The following PCDHA8 variants were observed in gnomAD, a reference collection of about 807,000 sequenced individuals.
The protein encoded by PCDHA8 is protocadherin alpha-8.
In PCDHA8, 53 loss-of-function variants were observed where a neutral mutation model predicts 61.8. The observed-to-expected ratio is 0.86, with a 90% CI of 0.69 to 1.08. The LOEUF (loss-of-function observed/expected upper bound fraction) is 1.08, where lower values mean the gene tolerates loss of function less well. PCDHA8 is among the 50% of genes least tolerant of loss of function. The pLI is 0.00. For missense variants in PCDHA8, 1,293 were observed against 1,245.0 expected, an observed-to-expected ratio of 1.04 and a Z score of -0.58; for synonymous variants, 618 against 556.6, an observed-to-expected ratio of 1.11 and a Z score of -1.55.
intron 3 of PCDHA8, among the ~76,000 whole-genome samples, chr5:140,995,012 AGG>A (rs1360435760): frequency 6.6e-6 from 1 of 152,218 alleles, no homozygotes; most frequent in Non-Finnish European, 1.5e-5. Context: ...GTTTATATTT[AGG>A]AAAGAAGATT....
chr5:140,869,284 C>T, intron 1 of PCDHA8: 1 of 1,613,582 alleles, frequency 6.2e-7, no homozygotes, highest in Non-Finnish European at 8.5e-7. Flanking sequence ...GGAGCTGGTG[C>T]AGCGCCTGTT....
rs1407676200 is a variant in PCDHA8 at position 140,843,151 on chromosome 5, G to A, written c.1830G>A (p.Glu610=). 6 of 1,596,104 alleles carry A rather than the reference G, an allele frequency of 3.8e-6. 1 individual carries two copies. The highest frequency in any genetic ancestry group is 5.1e-6 in the Non-Finnish European group (6 of 1,165,608). The change falls in exon 1 of 4, where the codon GAG becomes GAA. Residue 610 remains glutamate (E), a synonymous_variant. Coordinates refer to ENST00000531613, the MANE Select transcript of PCDHA8 (RefSeq NM_018911.3). ...DSGYNAWLSY[E]LQPAASSPRI... is the part of the protein sequence containing the mutation. ...GCTACAACGCGTGGCTTTCGTATGA[G>A]CTGCAGCCAGCTGCAAGCAGCCCTC...
chr5:140,849,491 T>C (rs1554142975), intron 1 of PCDHA8: 1 of 1,592,292 alleles, frequency 6.3e-7, no homozygotes, highest in African/African-American at 1.4e-5. Context: ...CCCTGGCTGG[T>C]CATTGTACAC....
intron 3 of PCDHA8, among the ~76,000 whole-genome samples, chr5:141,008,680 T>C (rs2098386787): frequency 6.6e-6 from 1 of 152,220 alleles, no homozygotes; most frequent in Non-Finnish European, 1.5e-5. Flanking sequence ...ATACTTTAGT[T>C]ATTGCATGTA....
intron 1 of PCDHA8, among the ~76,000 whole-genome samples, chr5:140,916,814 G>A (rs1201189287): frequency 3.3e-5 from 5 of 152,112 alleles, no homozygotes; most frequent in African/African-American, 1.2e-4. Context: ...TAGGTCATGT[G>A]CCACCCCTAT....
intron 1 of PCDHA8, among the ~76,000 whole-genome samples, chr5:140,914,843 A>G (rs1269507537): frequency 6.6e-6 from 1 of 152,142 alleles, no homozygotes; most frequent in Non-Finnish European, 1.5e-5. Context: ...CAAACACACA[A>G]AAGGAAGACT....
At chr5:140,875,288 A>G in intron 1 of PCDHA8, 2 of 1,392,506 alleles carry the variant, frequency 1.4e-6, no homozygotes, top group East Asian at 2.5e-5. Flanking sequence ...TGAAACAGGA[A>G]AATTTTTTTC....
Position 140,900,863 on chromosome 5 carries a change from G to A in PCDHA8, c.2394+57148G>A, listed in dbSNP as rs116648446. 4.1e-3 allele frequency among the ~76,000 whole-genome samples: 626 copies of A among 152,044 alleles called. 2 individuals are homozygous for A. Among genetic ancestry groups the A allele is most frequent in the African/African-American group, 0.014 (595 of 41,452 alleles). Reference sequence around the variant, plus strand: ...AGTTTCCCTTTTTTTCACCTCTCCAGCATTTTTTATTGCCTGTCATTTGGA... The same window carrying A: ...AGTTTCCCTTTTTTTCACCTCTCCAACATTTTTTATTGCCTGTCATTTGGA... On this transcript the variant is annotated intron_variant, in intron 1 of 3. Transcript: ENST00000531613.
chr5:140,875,738 G>A (rs1197047985), intron 1 of PCDHA8: 2 of 1,614,204 alleles, frequency 1.2e-6, no homozygotes, highest in Non-Finnish European at 1.7e-6. Context: ...GTGAATTCTC[G>A]GATCGACCGC....
chr5:140,900,618 C>A (rs1382793608), intron 1 of PCDHA8, among the ~76,000 whole-genome samples: 1 of 152,180 alleles, frequency 6.6e-6, no homozygotes, highest in Non-Finnish European at 1.5e-5. Context: ...ATGTAGATTG[C>A]TTCCAAATCT....
At chr5:140,884,493 C>T (rs782633321) in intron 1 of PCDHA8, 2 of 1,614,038 alleles carry the variant, frequency 1.2e-6, no homozygotes, top group African/African-American at 1.3e-5. Flanking sequence ...CTAGTGTGCT[C>T]CAGCGCGGCA....
intron 1 of PCDHA8, chr5:140,927,653 G>A: frequency 6.2e-7 from 1 of 1,614,190 alleles, no homozygotes; most frequent in Non-Finnish European, 8.5e-7. Context: ...GTGTTATTCC[G>A]AGTTCAAGCC....
chr5:140,869,287 C>T, intron 1 of PCDHA8: 1 of 1,613,538 alleles, frequency 6.2e-7, no homozygotes, highest in Non-Finnish European at 8.5e-7. Context: ...GCTGGTGCAG[C>T]GCCTGTTCCG....
rs1159995588 is a variant in PCDHA8, at chr5:140,947,341, A to G, written c.2395-31608A>G. ...GGTTGACCATAAATGTGTGGGCTTA[A>G]TTCTGGACTCTATTTCACTCCTTTG... is the stretch of plus-strand genomic sequence containing the variant. On this transcript the variant is annotated intron_variant, in intron 1 of 3. Transcript: ENST00000531613. Among the ~76,000 whole-genome samples the G allele has an allele frequency of 2.6e-5, 4 of 151,804 alleles. No individual in the cohort carries two copies. The South Asian group carries it at 6.2e-4, about 24-fold the overall frequency.
chr5:140,938,753 T>G (rs1381426227), intron 1 of PCDHA8, among the ~76,000 whole-genome samples: 3 of 152,170 alleles, frequency 2.0e-5, no homozygotes, highest in Admixed American at 1.3e-4. Flanking sequence ...TTTAAAGGCA[T>G]AGTTATTGGG....
At chr5:140,921,091 C>G (rs893367475) in intron 1 of PCDHA8, among the ~76,000 whole-genome samples, 1 of 152,022 alleles carries the variant, frequency 6.6e-6, no homozygotes, top group Admixed American at 6.5e-5. Flanking sequence ...GAGAATCCTC[C>G]TGCCTCAGTC....
At chr5:140,927,108 C>T (rs782811125) in intron 1 of PCDHA8, 6 of 1,613,528 alleles carry the variant, frequency 3.7e-6, no homozygotes, top group African/African-American at 1.3e-5. Context: ...ATCTACCCAG[C>T]GGCAATTTGG....
At chr5:140,993,917 A>G (rs779939413) in intron 3 of PCDHA8, among the ~76,000 whole-genome samples, 1 of 152,190 alleles carries the variant, frequency 6.6e-6, no homozygotes, top group Admixed American at 6.5e-5. Flanking sequence ...CTAGTGATGC[A>G]TTTCTCAGAA....
intron 3 of PCDHA8, among the ~76,000 whole-genome samples, chr5:140,999,659 G>A (rs1208907437): frequency 6.6e-6 from 1 of 152,162 alleles, no homozygotes; most frequent in African/African-American, 2.4e-5. Context: ...GAGCCCTGCT[G>A]GGTTGCGGGG....
Sources: gnomAD v4.1 joint callset for allele counts (sites outside exome capture counted in the v4.1 genomes callset) on GRCh38, gnomAD v4.1.1 for gene constraint, MANE v1.5 for transcripts, NCBI Gene and HGNC (gene_info 2026-07-23, HGNC 2026-07-21) for gene names.